The following NBL1 variants were observed in gnomAD, a reference collection of about 807,000 sequenced individuals.
NBL1 encodes the protein NBL1, DAN family BMP antagonist, also known as neuroblastoma suppressor of tumorigenicity 1.
NBL1 carries 9 observed loss-of-function variants against 16.0 expected under a neutral mutation model. The observed-to-expected ratio is 0.56, with a 90% confidence interval of 0.34 to 0.98. The LOEUF (loss-of-function observed/expected upper bound fraction) is 0.98, where lower values mean the gene tolerates loss of function less well. Ranked by LOEUF, NBL1 falls within the 50% of genes least tolerant of loss-of-function variation. NBL1 has a pLI of 0.02. For missense variants in NBL1, 196 were observed against 243.1 expected (o/e 0.81, Z 1.29); for synonymous variants, 86 against 100.7 (o/e 0.85, Z 0.87).
In NBL1 at chr1:19,657,113, AG is replaced by A; in HGVS notation, c.535del (p.Ala179LeufsTer31). 6.9e-7 allele frequency: 1 copy of A among 1,449,708 alleles called. No homozygotes were observed. Among genetic ancestry groups the A allele is most frequent in the African/African-American group, 1.4e-5 (1 of 70,276 alleles). 89.8% of individuals were successfully genotyped at this position (1,449,708 alleles called of 1,614,324 possible). A position where few individuals can be genotyped will look rare whatever the true frequency, so the allele number is the denominator to read the frequency against. Reference protein sequence around the residue: ...DPPGAPHTEEEGAED With the variant: ...DPPGAPHTEEXGAED ...CCTGGGGCCCCCCACACAGAGGAAG[AG>A]GGGGCTGAGGACTGAGGCCCCCCCA... On this transcript the variant is annotated frameshift_variant, in exon 4 of 4. Coordinates refer to ENST00000375136, the MANE Select transcript of NBL1 (RefSeq NM_005380.8). LOFTEE classifies it high-confidence loss of function.
In NBL1 at chr1:19,657,371, G is replaced by GGT. The variant is rs66480868; in HGVS notation, c.*243_*244insTG. 7.2e-3 allele frequency: 913 copies of GGT among 126,982 alleles called. 15 individuals are homozygous for GGT. Among genetic ancestry groups the GGT allele is most frequent in the Admixed American group, 0.013 (89 of 6,818 alleles). 7.9% of individuals were successfully genotyped at this position (126,982 alleles called of 1,614,324 possible). ...CAGAGGTCTTCAGGGCTCTTTTTTTGGGGGGGGTGGTCTCTTCCTGTCTGG... is the reference window on the plus strand; with the variant it reads ...CAGAGGTCTTCAGGGCTCTTTTTTTGGTGGGGGGGTGGTCTCTTCCTGTCTGG... On this transcript the variant is annotated 3_prime_UTR_variant, in exon 4 of 4. Coordinates refer to ENST00000375136, the MANE Select transcript of NBL1 (RefSeq NM_005380.8).
chr1:19,643,628 G>A, upstream of NBL1: 1 of 1,345,904 alleles, frequency 7.4e-7, no homozygotes, highest in Non-Finnish European at 9.6e-7. This position sits in a 1 kb window ranked among gnomAD's most constrained non-coding sequence, Gnocchi z 4.7. Flanking sequence ...TCAGAGAAGT[G>A]AGTTCATTTG....
intron 3 of NBL1, 119 bp downstream of exon 3, chr1:19,655,554 G>A (rs906618334): frequency 2.6e-6 from 3 of 1,149,264 alleles, no homozygotes. Flanking sequence ...AGGCCCCACT[G>A]TGTGCAGGGT....
chr1:19,655,737 C>T (rs1257334733), intron 3 of NBL1, among the ~76,000 whole-genome samples: 1 of 152,230 alleles, frequency 6.6e-6, no homozygotes, highest in Non-Finnish European at 1.5e-5. Flanking sequence ...AAATCTTTGC[C>T]CTGTCCCGAG....
rs371903407 is a variant in NBL1, at chr1:19,655,067, G to A, written c.37G>A (p.Ala13Thr). The A allele has an allele frequency of 1.2e-6, 2 of 1,612,638 alleles. No homozygotes were observed. The highest frequency in any genetic ancestry group is 3.3e-5 in the Admixed American group (2 of 59,968). The stretch of plus-strand genomic sequence containing the variant: ...GGTCCTGGTGGGGGCTGTCCTCCCT[G>A]CCATGCTACTGGCTGCCCCACCACC... ...LRVLVGAVLPAMLLAAPPPIN... is the reference protein window; with the variant it reads ...LRVLVGAVLPTMLLAAPPPIN... The change falls in exon 2 of 4, where the codon GCC becomes ACC. Residue 13 changes from alanine to threonine, a missense_variant. By Grantham distance (58) the Ala-to-Thr change is moderately conservative. Transcript: ENST00000375136.
upstream of NBL1, chr1:19,643,698 T>C (rs1570537839): frequency 4.3e-6 from 5 of 1,171,158 alleles, no homozygotes; most frequent in Admixed American, 2.0e-4. This position sits in a 1 kb window ranked among gnomAD's most constrained non-coding sequence, Gnocchi z 4.7. Context: ...GCCAAGGGCG[T>C]GGGGCCGAGA....
intron 2 of NBL1, 26 bp from the exon 3 acceptor site, chr1:19,655,298 A>G (rs2294630): frequency 0.49 from 784,199 of 1,613,268 alleles, 195,824 homozygotes; most frequent in African/African-American, 0.66. Context: ...ACAGTGACAC[A>G]GGCATGGTGA....
Position 19,644,506 on chromosome 1 carries a change from G to A in NBL1, c.-20+60G>A, listed in dbSNP as rs1336661865. The A allele has an allele frequency of 2.2e-5, 20 of 900,726 alleles. No individual in the cohort carries two copies. The highest frequency in any genetic ancestry group is 2.6e-5 in the Non-Finnish European group (20 of 755,426). The allele number at this position is 900,726 out of a possible 1,614,324, so 55.8% of individuals were successfully genotyped here. On this transcript the variant is annotated intron_variant, in intron 1 of 3. Transcript: ENST00000375136. The surrounding 1 kb of genome is among the most constrained non-coding windows in gnomAD (Gnocchi z 4.6). Reference sequence around the variant, plus strand: ...GCTTCCAGAGGCTTCGGCCGCGGGGGCAGTGCCGCGCCCCCAGCCCGGAGC... The same window carrying A: ...GCTTCCAGAGGCTTCGGCCGCGGGGACAGTGCCGCGCCCCCAGCCCGGAGC...
At chr1:19,652,701 C>T (rs548140953) in intron 1 of NBL1, among the ~76,000 whole-genome samples, 18 of 152,220 alleles carry the variant, frequency 1.2e-4, no homozygotes, top group Admixed American at 5.2e-4. Context: ...AAGTACTTGG[C>T]TCTGGGCTGG....
In NBL1 at chr1:19,655,169, A is replaced by G; in HGVS notation, c.139A>G (p.Ser47Gly). The G allele has an allele frequency of 6.2e-7, 1 of 1,609,206 alleles. No homozygotes were observed. Among genetic ancestry groups the G allele is most frequent in the Non-Finnish European group, 8.5e-7 (1 of 1,177,948 alleles). The change falls in exon 2 of 4, where the codon AGC becomes GGC. Residue 47 changes from serine to glycine, a missense_variant. By Grantham distance (56) the Ser-to-Gly change is moderately conservative. Coordinates refer to ENST00000375136, the MANE Select transcript of NBL1 (RefSeq NM_005380.8). ...GAACATCACCCAGATCGTGGGCCACAGCGGCTGTGAGGCCAAGTCCATCCA... is the reference window on the plus strand; with the variant it reads ...GAACATCACCCAGATCGTGGGCCACGGCGGCTGTGAGGCCAAGTCCATCCA... ...AKNITQIVGH[S>G]GCEAKSIQNR...
At chr1:19,654,917 G>A (rs1037478254) in intron 1 of NBL1, 95 bp from the exon 2 acceptor site, 28 of 1,427,432 alleles carry the variant, frequency 2.0e-5, no homozygotes, top group East Asian at 4.9e-5. Context: ...CTGGGGTTGC[G>A]CCAAGGAGTC....
At chr1:19,648,910 C>G (rs1029299045) in intron 1 of NBL1, among the ~76,000 whole-genome samples, 2 of 152,144 alleles carry the variant, frequency 1.3e-5, no homozygotes, top group Non-Finnish European at 2.9e-5. Context: ...GCCATGGCCA[C>G]AAGACGGTTG....
upstream of NBL1, chr1:19,643,816 C>A (rs1399476269): frequency 1.0e-6 from 1 of 995,138 alleles, no homozygotes; most frequent in Non-Finnish European, 1.2e-6. The surrounding 1 kb of genome is among the most constrained non-coding windows in gnomAD (Gnocchi z 4.7). Flanking sequence ...CACCGCAGAA[C>A]TGGGGACTCC....
At position 19,655,145 on chromosome 1, in the gene NBL1, A is replaced by G; in HGVS notation, c.115A>G (p.Asn39Asp). 1 of 1,611,340 alleles carries G rather than the reference A, an allele frequency of 6.2e-7. No individual in the cohort carries two copies. The highest frequency in any genetic ancestry group is 8.5e-7 in the Non-Finnish European group (1 of 1,178,932). Residue 39 changes from asparagine to aspartate, a missense_variant, in exon 2 of 4, where the codon AAC (asparagine) becomes GAC (aspartate). By Grantham distance (23) the Asn-to-Asp change is conservative. Transcript: ENST00000375136. ...TAAGAGTGCCTGGTGCGAAGCCAAG[A>G]ACATCACCCAGATCGTGGGCCACAG... ...PDKSAWCEAK[N>D]ITQIVGHSGC...
intron 1 of NBL1, among the ~76,000 whole-genome samples, chr1:19,654,530 T>C (rs7546665): frequency 0.42 from 63,794 of 152,046 alleles, 13,799 homozygotes; most frequent in Non-Finnish European, 0.45. Context: ...CCTCCAGGGC[T>C]GTGTGGACAG....
chr1:19,644,350 G>A lies in NBL1; in HGVS notation c.-116G>A. 1.0e-6 allele frequency: 1 copy of A among 978,504 alleles called. No individual in the cohort carries two copies. Among genetic ancestry groups the A allele is most frequent in the Middle Eastern group, 5.3e-4 (1 of 1,900 alleles). 60.6% of individuals were successfully genotyped at this position (978,504 alleles called of 1,614,324 possible). On this transcript the variant is annotated 5_prime_UTR_variant, in exon 1 of 4. Transcript: ENST00000375136. The surrounding 1 kb of genome is among the most constrained non-coding windows in gnomAD (Gnocchi z 4.6). ...GCGCAGCCCAGCCGAGCGTCGCGGG[G>A]CCGCCCCCCGCCCTGCCGGCCGCCT... is the stretch of plus-strand genomic sequence containing the variant.
intron 1 of NBL1, among the ~76,000 whole-genome samples, chr1:19,654,689 G>A (rs1486677378): frequency 1.3e-5 from 2 of 151,852 alleles, no homozygotes; most frequent in African/African-American, 2.4e-5. Context: ...TGAAGAAACC[G>A]AGGCACCGAG....
At chr1:19,645,782 G>C in intron 1 of NBL1, 1 of 1,413,914 alleles carries the variant, frequency 7.1e-7, no homozygotes, top group Middle Eastern at 2.1e-4. Context: ...TGGAGGGGTG[G>C]ACAGGGGAGT....
chr1:19,656,798 C>T (rs2095058920), intron 3 of NBL1, 68 bp from the exon 4 acceptor site: 1 of 1,525,866 alleles, frequency 6.6e-7, no homozygotes, highest in South Asian at 1.3e-5. Context: ...GAAGTATTAC[C>T]CTAGGGGCTG....
Sources: allele counts gnomAD v4.1 joint callset (sites outside exome capture counted in the v4.1 genomes callset), GRCh38; gene constraint gnomAD v4.1.1; non-coding constraint Gnocchi (gnomAD v3.1); transcripts MANE v1.5; gene names NCBI Gene and HGNC (gene_info 2026-07-23, HGNC 2026-07-21).